PRUNE2: variants seen among roughly 807,000 people sequenced by gnomAD.
PRUNE2 encodes protein prune homolog 2.
Under a neutral mutation model 252.0 loss-of-function variants are expected in PRUNE2, and 164 were observed. The ratio of observed to expected loss-of-function variants is 0.65; its 90% CI spans 0.57 to 0.74. PRUNE2 has a LOEUF of 0.74. Among genes scored for constraint, PRUNE2 ranks in the 30% least tolerant of loss-of-function variants. The pLI, the probability that PRUNE2 is intolerant of heterozygous loss-of-function variation, is 0.00. For synonymous variants in PRUNE2, 1,292 were observed against 1,350.2 expected (o/e 0.96, Z 0.94); for missense variants, 3,495 against 3,711.0 (o/e 0.94, Z 1.51).
chr9:76,895,675 T>C (rs17194610), intron 1 of PRUNE2, among the ~76,000 whole-genome samples: 16,633 of 152,288 alleles, frequency 0.11, 1,114 homozygotes, highest in South Asian at 0.23. Context: ...ATGTACTTTA[T>C]GTCAGTGATG....
chr9:76,739,626 A>G (rs187225129), intron 6 of PRUNE2: 2 of 152,148 alleles, frequency 1.3e-5, no homozygotes, highest in African/African-American at 4.8e-5. Context: ...CAGCTCCCCT[A>G]AAGCACACAA....
rs2046566725 is a variant in PRUNE2 at position 76,709,628 on chromosome 9, G to A, written c.2646C>T (p.Pro882=). The change falls in exon 8 of 19, where the codon CCC becomes CCT. Residue 882 remains proline (P), a synonymous_variant. Coordinates refer to ENST00000376718, the MANE Select transcript of PRUNE2 (RefSeq NM_015225.3). The part of the protein sequence containing the change: ...SRDHIFAPGN[P]SSDLDHTWTN... Reference sequence around the variant, plus strand: ...TCCATGTGTGATCCAGATCAGAACTGGGATTTCCAGGTGCAAAGATGTGAT... The same window carrying A: ...TCCATGTGTGATCCAGATCAGAACTAGGATTTCCAGGTGCAAAGATGTGAT... 1 of 1,613,860 alleles carries A rather than the reference G, an allele frequency of 6.2e-7. No individual in the cohort carries two copies. Among genetic ancestry groups the A allele is most frequent in the African/African-American group, 1.3e-5 (1 of 74,910 alleles).
intron 4 of PRUNE2, among the ~76,000 whole-genome samples, chr9:76,839,230 GAC>G (rs1589507871): frequency 6.6e-6 from 1 of 152,170 alleles, no homozygotes; most frequent in Non-Finnish European, 1.5e-5. Flanking sequence ...TTCCTTTTAT[GAC>G]AGTGTTTATC....
chr9:76,820,879 T>C (rs2057999652), intron 6 of PRUNE2, among the ~76,000 whole-genome samples: 1 of 152,124 alleles, frequency 6.6e-6, no homozygotes, highest in Non-Finnish European at 1.5e-5. Context: ...CAAAAGGAAA[T>C]ATAAATCAGA....
At chr9:76,767,296 A>T (rs555206112) in intron 6 of PRUNE2, among the ~76,000 whole-genome samples, 1 of 152,122 alleles carries the variant, frequency 6.6e-6, no homozygotes. Context: ...TACTAAAAAT[A>T]CAAAATTATC....
intron 1 of PRUNE2, among the ~76,000 whole-genome samples, chr9:76,882,616 G>A (rs1242354451): frequency 6.6e-6 from 1 of 152,170 alleles, no homozygotes; most frequent in Non-Finnish European, 1.5e-5. Context: ...GGGAACAGGA[G>A]CAAGAGAGAG....
At chr9:76,631,314 G>A (rs1267639628) in intron 15 of PRUNE2, among the ~76,000 whole-genome samples, 1 of 152,202 alleles carries the variant, frequency 6.6e-6, no homozygotes, top group Non-Finnish European at 1.5e-5. Flanking sequence ...AACATGCCAT[G>A]TTCTCTCTTT....
intron 18 of PRUNE2, among the ~76,000 whole-genome samples, chr9:76,618,895 A>G (rs561957661): frequency 3.7e-4 from 56 of 152,184 alleles, no homozygotes; most frequent in Non-Finnish European, 6.0e-4. Context: ...CTCTAAATAG[A>G]TCATTCCTAC....
intron 10 of PRUNE2, 80 bp downstream of exon 10, chr9:76,655,343 G>A (rs775886960): frequency 1.3e-5 from 13 of 1,016,462 alleles, no homozygotes; most frequent in Non-Finnish European, 1.8e-5. Flanking sequence ...TAGATGCACA[G>A]GAAATAATTC....
chr9:76,876,494 T>C lies in PRUNE2; in HGVS notation c.37-22286A>G, dbSNP rs137858022. ...CCATGGAGGCACCTACATAAACAAATAGATTTAAAATTTTCTCTTTCTTTC... is the reference window on the plus strand; with the variant it reads ...CCATGGAGGCACCTACATAAACAAACAGATTTAAAATTTTCTCTTTCTTTC... On this transcript the variant is annotated intron_variant, in intron 1 of 18. Transcript: ENST00000376718. Among the ~76,000 whole-genome samples the C allele has an allele frequency of 2.4e-3, 358 of 152,194 alleles. 1 individual carries two copies. The highest frequency in any genetic ancestry group is 2.9e-3 in the Admixed American group (45 of 15,288).
At chr9:76,879,278 T>A (rs903894422) in intron 1 of PRUNE2, among the ~76,000 whole-genome samples, 1 of 152,218 alleles carries the variant, frequency 6.6e-6, no homozygotes, top group African/African-American at 2.4e-5. Flanking sequence ...CATAAAACCA[T>A]TTTTCCATTG....
chr9:76,830,343 A>G (rs891070431), intron 4 of PRUNE2, among the ~76,000 whole-genome samples: 1 of 152,174 alleles, frequency 6.6e-6, no homozygotes, highest in Admixed American at 6.6e-5. Context: ...AAAGAAAGAC[A>G]TTATTCAAAC....
In PRUNE2 at chr9:76,626,528, G is replaced by A. The variant is rs146684291; in HGVS notation, c.9150-2038C>T. Among the ~76,000 whole-genome samples the A allele has an allele frequency of 1.6e-3, 244 of 152,308 alleles. 1 individual carries two copies. Among genetic ancestry groups the A allele is most frequent in the African/African-American group, 5.7e-3 (237 of 41,578 alleles). On this transcript the variant is annotated intron_variant, in intron 16 of 18. Coordinates refer to ENST00000376718, the MANE Select transcript of PRUNE2 (RefSeq NM_015225.3). ...ATGGACATGTGGGCAGCACATGAAT[G>A]GTGGTAAATTTCTTTCTCCAGAAAA...
In PRUNE2 at chr9:76,710,688, T is replaced by A; in HGVS notation, c.1586A>T (p.Glu529Val). 1 of 1,612,638 alleles carries A rather than the reference T, an allele frequency of 6.2e-7. No homozygotes were observed. The highest frequency in any genetic ancestry group is 8.5e-7 in the Non-Finnish European group (1 of 1,179,252). ...TTCAGGCCCAGCGGGGAGCTGTCCT[T>A]CTGACAGGTCACTGTTGGGGAAGAA... ...DDFFPNSDLS[E>V]GQLPAGPEGL... is the part of the protein sequence containing the mutation. Residue 529 changes from glutamate (E) to valine (V), a missense_variant, in exon 8 of 19, where the codon GAA becomes GTA. By Grantham distance (121) the Glu-to-Val change is moderately radical. Transcript: ENST00000376718.
chr9:76,695,327 C>T lies in PRUNE2; in HGVS notation c.8276+8010G>A, dbSNP rs570511157. Among the ~76,000 whole-genome samples, 13 of 152,266 alleles carry T rather than the reference C, an allele frequency of 8.5e-5. No homozygotes were observed. In the South Asian group the frequency reaches 1.9e-3, roughly 22 times the overall value. On this transcript the variant is annotated intron_variant, in intron 9 of 18. Transcript: ENST00000376718. ...TGCTGGGATTACAGGCATAAGCCAG[C>T]GCGCCCAGCCAGGAGAAGTTATTTC... is the stretch of plus-strand genomic sequence containing the variant.
intron 4 of PRUNE2, among the ~76,000 whole-genome samples, chr9:76,836,358 A>C (rs1589479125): frequency 6.6e-6 from 1 of 150,382 alleles, no homozygotes; most frequent in East Asian, 1.9e-4. Context: ...AAATGAACAC[A>C]AAAAAATCTT....
At chr9:76,671,285 C>T (rs923729667) in intron 9 of PRUNE2, among the ~76,000 whole-genome samples, 1 of 147,554 alleles carries the variant, frequency 6.8e-6, no homozygotes, top group Admixed American at 6.9e-5. Flanking sequence ...ATGCGATCAA[C>T]TGGAAGAAAG....
At chr9:76,803,565 A>G (rs554413439) in intron 6 of PRUNE2, among the ~76,000 whole-genome samples, 2 of 152,116 alleles carry the variant, frequency 1.3e-5, no homozygotes, top group Non-Finnish European at 2.9e-5. Flanking sequence ...CATAATCAAA[A>G]TGTTCAACCC....
Position 76,837,441 on chromosome 9 carries a change from A to AAATAATAATT in PRUNE2, c.508+9073_508+9074insAATTATTATT, listed in dbSNP as rs1554798656. 7.3e-4 allele frequency among the ~76,000 whole-genome samples: 98 copies of AAATAATAATT among 134,832 alleles called. 3 individuals are homozygous for AAATAATAATT. Among genetic ancestry groups the AAATAATAATT allele is most frequent in the African/African-American group, 2.5e-3 (92 of 37,176 alleles). 88.5% of individuals were successfully genotyped at this position (134,832 alleles called of 152,430 possible). On this transcript the variant is annotated intron_variant, in intron 4 of 18. Transcript: ENST00000376718. Reference sequence around the variant, plus strand: ...TGGCGACACAGTGAGACTCTGTCTCAAATAATAATAATAATAATAATAATA... The same window carrying AAATAATAATT: ...TGGCGACACAGTGAGACTCTGTCTCAAATAATAATTAATAATAATAATAATAATAATAATA...
Sources: allele counts gnomAD v4.1 joint callset (sites outside exome capture counted in the v4.1 genomes callset), GRCh38; gene constraint gnomAD v4.1.1; transcripts MANE v1.5; gene names NCBI Gene and HGNC (gene_info 2026-07-23, HGNC 2026-07-21).